The following DHX57 variants were observed in gnomAD, a reference collection of about 807,000 sequenced individuals.
DHX57 encodes DExH-box helicase 57.
DHX57 carries 105 observed loss-of-function variants against 156.2 expected under a neutral mutation model. That is an observed-to-expected ratio of 0.67 (90% CI 0.57 to 0.79). The LOEUF (loss-of-function observed/expected upper bound fraction) is 0.79. Ranked by LOEUF, DHX57 falls within the 30% of genes least tolerant of loss-of-function variation. The pLI is 0.00. For missense variants in DHX57, 1,847 were observed against 1,661.9 expected, an observed-to-expected ratio of 1.11 and a Z score of -1.94; for synonymous variants, 704 against 595.6, an observed-to-expected ratio of 1.18 and a Z score of -2.65.
At chr2:38,869,297 G>A (rs185931953) in intron 1 of DHX57, among the ~76,000 whole-genome samples, 1,526 of 152,346 alleles carry the variant, frequency 0.01, 11 homozygotes, top group South Asian at 0.02. Context: ...TTACAATGGA[G>A]TGTGGAGAAG....
At chr2:38,857,886 T>G (rs1476924106) in intron 6 of DHX57, among the ~76,000 whole-genome samples, 1 of 152,170 alleles carries the variant, frequency 6.6e-6, no homozygotes, top group Non-Finnish European at 1.5e-5. Flanking sequence ...TATTAATTTT[T>G]TCTAAGGTAA....
In DHX57 at chr2:38,823,258, A is replaced by G. The variant is rs762154221; in HGVS notation, c.3026T>C (p.Leu1009Ser). 1 of 1,611,256 alleles carries G rather than the reference A, an allele frequency of 6.2e-7. No homozygotes were observed. The highest frequency in any genetic ancestry group is 2.2e-5 in the East Asian group (1 of 44,798). ...LEQLCLRIKILEMFSAHNLQS... is the reference protein window; with the variant it reads ...LEQLCLRIKISEMFSAHNLQS... ...GAGATTATGAGCACTAAACATCTCT[A>G]AAATTTTAATTCTGAAAAGGAAACA... The change falls in exon 17 of 24, where the codon TTA (leucine) becomes TCA (serine). Residue 1009 changes from leucine to serine, a missense_variant. Transcript: ENST00000457308.
intron 13 of DHX57, among the ~76,000 whole-genome samples, chr2:38,836,019 G>C (rs1414987302): frequency 6.6e-6 from 1 of 152,170 alleles, no homozygotes; most frequent in Non-Finnish European, 1.5e-5. Context: ...GCCAGACAAT[G>C]AGGAAGAAGA....
chr2:38,802,541 G>A (rs1669733058), intron 23 of DHX57, among the ~76,000 whole-genome samples, 174 bp downstream of exon 23: 1 of 152,092 alleles, frequency 6.6e-6, no homozygotes, highest in Non-Finnish European at 1.5e-5. Flanking sequence ...GCCTGCCTCG[G>A]CCTCCCAAAG....
intron 2 of DHX57, among the ~76,000 whole-genome samples, chr2:38,864,068 T>G (rs1390674202): frequency 6.6e-6 from 1 of 151,884 alleles, no homozygotes; most frequent in African/African-American, 2.4e-5. Flanking sequence ...CTGGCTTCAC[T>G]AACTCAAGAA....
chr2:38,806,306 T>C (rs184569120), intron 22 of DHX57: 9 of 418,316 alleles, frequency 2.2e-5, no homozygotes, highest in African/African-American at 1.0e-4. Context: ...TCAATTACCA[T>C]TGCAAAGAAA....
In DHX57 at chr2:38,798,188, C is replaced by T. The variant is rs1446368011; in HGVS notation, c.*111G>A. On this transcript the variant is annotated 3_prime_UTR_variant, in exon 24 of 24. Coordinates refer to ENST00000457308, the MANE Select transcript of DHX57 (RefSeq NM_198963.3). Reference sequence around the variant, plus strand: ...TGCCTTGGGCTTCATGCCCTGGGCTCCTCCACCAGGGCCAGCCCCAATAGG... The same window carrying T: ...TGCCTTGGGCTTCATGCCCTGGGCTTCTCCACCAGGGCCAGCCCCAATAGG... 1.4e-6 allele frequency: 2 copies of T among 1,435,036 alleles called. No homozygotes were observed. The highest frequency in any genetic ancestry group is 1.9e-6 in the Non-Finnish European group (2 of 1,066,300). The allele number at this position is 1,435,036 out of a possible 1,614,324, so 88.9% of individuals were successfully genotyped here. A position where few individuals can be genotyped will look rare whatever the true frequency, so the allele number is the denominator to read the frequency against.
chr2:38,847,176 G>A (rs543899987), intron 10 of DHX57, 103 bp from the exon 11 acceptor site: 24 of 903,786 alleles, frequency 2.7e-5, no homozygotes, highest in East Asian at 1.1e-4. Context: ...TCATGCTAAC[G>A]TCCTATTTGT....
intron 21 of DHX57, chr2:38,811,555 A>G: frequency 2.5e-6 from 3 of 1,220,272 alleles, no homozygotes. Flanking sequence ...TTGGCCAGGT[A>G]GGCAATAATG....
chr2:38,798,485 G>C, intron 23 of DHX57, 43 bp from the exon 24 acceptor site: 1 of 1,565,092 alleles, frequency 6.4e-7, no homozygotes, highest in Non-Finnish European at 8.6e-7. Context: ...GGAGGAACAG[G>C]CAGGATAGGT....
Position 38,861,005 on chromosome 2 carries a change from G to A in DHX57, c.1405C>T (p.Pro469Ser), listed in dbSNP as rs112385789. 28 of 1,612,458 alleles carry A rather than the reference G, an allele frequency of 1.7e-5. No homozygotes were observed. Among genetic ancestry groups the A allele is most frequent in the African/African-American group, 5.3e-5 (4 of 74,960 alleles). Residue 469 changes from proline (P) to serine (S), a missense_variant, in exon 5 of 24, where the codon CCA becomes TCA. Transcript: ENST00000457308. ...PNNSFVSNQI[P>S]EVEKASESEE... is the part of the protein sequence containing the mutation. ...AGATCAATGCCTTACATACCTTCTGGAATTTGATTAGAAACAAAAGAATTA... is the reference window on the plus strand; with the variant it reads ...AGATCAATGCCTTACATACCTTCTGAAATTTGATTAGAAACAAAAGAATTA...
rs1048606125 is a variant in DHX57 at position 38,843,288 on chromosome 2, G to T, written c.2220-78C>A. 4 of 1,443,878 alleles carry T rather than the reference G, an allele frequency of 2.8e-6. No homozygotes were observed. In the Admixed American group the frequency reaches 7.1e-5, roughly 26 times the overall value. 89.4% of individuals were successfully genotyped at this position (1,443,878 alleles called of 1,614,324 possible). ...GGGAAAGAATTCACCTGTTTCACGT[G>T]CTCGTTCAGCAAAATGTCACTGTCT... On this transcript the variant is annotated intron_variant, in intron 11 of 23. Transcript: ENST00000457308.
chr2:38,809,463 T>TA (rs1030319333), intron 21 of DHX57, among the ~76,000 whole-genome samples: 1 of 102,566 alleles, frequency 9.7e-6, no homozygotes, highest in Non-Finnish European at 2.3e-5. Context: ...TCTGTTTTTT[T>TA]TTTTTCTTTT....
At chr2:38,865,760 AT>A (rs887896315) in intron 2 of DHX57, among the ~76,000 whole-genome samples, 1 of 152,188 alleles carries the variant, frequency 6.6e-6, no homozygotes, top group African/African-American at 2.4e-5. Flanking sequence ...GAACTTTAGC[AT>A]TTATCTATAG....
At chr2:38,826,404 T>G (rs1671087824) in intron 15 of DHX57, 112 bp downstream of exon 15, 1 of 1,301,686 alleles carries the variant, frequency 7.7e-7, no homozygotes. Flanking sequence ...TTTCACAAAG[T>G]ATTTTTTCAT....
rs146897281 is a variant in DHX57, at chr2:38,809,858, T to C, written c.3682-3165A>G. Among the ~76,000 whole-genome samples the C allele has an allele frequency of 9.8e-4, 149 of 152,318 alleles. 1 individual carries two copies. Among genetic ancestry groups the C allele is most frequent in the African/African-American group, 3.3e-3 (136 of 41,578 alleles). ...TGTTCAGTCATGTCCTTTGCCCACT[T>C]TTCTATTAGGTTCTATTAGATCTTT... On this transcript the variant is annotated intron_variant, in intron 21 of 23. Coordinates refer to ENST00000457308, the MANE Select transcript of DHX57 (RefSeq NM_198963.3).
chr2:38,843,140 T>G lies in DHX57; in HGVS notation c.2290A>C (p.Arg764=). Residue 764 remains arginine, a synonymous_variant, in exon 12 of 24, where the codon AGG becomes CGG. Transcript: ENST00000457308. The part of the protein sequence containing the change: ...KQISKEKLKA[R]RNRTAFEEVE... ...TCTTCAAATGCAGTTCTGTTCCGCC[T>G]TGCTTTAAGCTTTTCCTTTGAAATC... 6.2e-7 allele frequency: 1 copy of G among 1,614,214 alleles called. No homozygotes were observed.
At chr2:38,815,470 G>A (rs1417507341) in intron 20 of DHX57, 51 bp downstream of exon 20, 2 of 1,609,528 alleles carry the variant, frequency 1.2e-6, no homozygotes, top group Non-Finnish European at 1.7e-6. Flanking sequence ...GGTTAAGATT[G>A]TATTTAGGTG....
At chr2:38,826,382 T>C (rs1671086292) in intron 15 of DHX57, 134 bp downstream of exon 15, 2 of 1,020,172 alleles carry the variant, frequency 2.0e-6, no homozygotes, top group Non-Finnish European at 2.9e-6. Context: ...CATTCACACA[T>C]CCACGTACAG....
Sources: gnomAD v4.1 joint callset for allele counts (sites outside exome capture counted in the v4.1 genomes callset) on GRCh38, gnomAD v4.1.1 for gene constraint, MANE v1.5 for transcripts, NCBI Gene and HGNC (gene_info 2026-07-23, HGNC 2026-07-21) for gene names.